CHODL: variants seen among roughly 807,000 people sequenced by gnomAD.
CHODL encodes chondrolectin.
Under a neutral mutation model 34.5 loss-of-function variants are expected in CHODL, and 29 were observed. The observed-to-expected ratio is 0.84, with a 90% CI of 0.63 to 1.15. The LOEUF (loss-of-function observed/expected upper bound fraction) is 1.15. CHODL is among the 50% of genes most tolerant of loss of function. The pLI is 0.00. For synonymous variants in CHODL, 125 were observed against 116.1 expected (o/e 1.08, Z -0.49); for missense variants, 332 against 332.5 (o/e 1.00, Z 0.01).
intron 2 of CHODL, among the ~76,000 whole-genome samples, chr21:18,217,490 G>GCCCC (rs59405917): frequency 2.0e-5 from 3 of 151,846 alleles, no homozygotes; most frequent in African/African-American, 7.3e-5. Context: ...GAGGGTAACT[G>GCCCC]CCCCCCCGAC....
intron 1 of CHODL, among the ~76,000 whole-genome samples, chr21:18,249,734 C>T (rs1449662682): frequency 6.6e-6 from 1 of 151,656 alleles, no homozygotes; most frequent in Non-Finnish European, 1.5e-5. Flanking sequence ...TTTCACAACC[C>T]AGCTTCAGCA....
At chr21:18,014,380 G>A (rs775229728) in intron 1 of CHODL, among the ~76,000 whole-genome samples, 11 of 152,186 alleles carry the variant, frequency 7.2e-5, no homozygotes, top group Non-Finnish European at 1.5e-4. Context: ...TGCAGGAACA[G>A]AAAATGAAAT....
intron 1 of CHODL, among the ~76,000 whole-genome samples, chr21:18,246,278 G>A (rs1347212701): frequency 6.6e-6 from 1 of 151,618 alleles, no homozygotes; most frequent in Non-Finnish European, 1.5e-5. Context: ...TGTTTTGAGG[G>A]TGAAAAGTTT....
At chr21:18,158,227 T>C (rs1260528377) in intron 2 of CHODL, among the ~76,000 whole-genome samples, 2 of 152,194 alleles carry the variant, frequency 1.3e-5, no homozygotes, top group Non-Finnish European at 2.9e-5. Flanking sequence ...ATAGGTTTTG[T>C]GCAGATCATT....
intron 2 of CHODL, among the ~76,000 whole-genome samples, chr21:18,221,337 T>C (rs561217552): frequency 5.3e-5 from 8 of 152,276 alleles, no homozygotes; most frequent in African/African-American, 1.9e-4. Context: ...TCTTGCTGAG[T>C]TTCTTTAACA....
At chr21:18,124,891 G>A (rs537888757) in intron 2 of CHODL, among the ~76,000 whole-genome samples, 14 of 152,258 alleles carry the variant, frequency 9.2e-5, no homozygotes, top group East Asian at 5.8e-4. Context: ...CAAACAAAGC[G>A]AAAATAAAAC....
chr21:18,160,392 TA>T (rs2073082318), intron 2 of CHODL, among the ~76,000 whole-genome samples: 1 of 152,130 alleles, frequency 6.6e-6, no homozygotes, highest in Non-Finnish European at 1.5e-5. Flanking sequence ...GTTACATAGG[TA>T]AACTTGTGTC....
chr21:17,925,392 T>G (rs2063214844), intron 1 of CHODL, among the ~76,000 whole-genome samples: 1 of 152,206 alleles, frequency 6.6e-6, no homozygotes, highest in African/African-American at 2.4e-5. Flanking sequence ...CTGGGCCAGT[T>G]TCCTGATAGC....
rs145612280 is a variant in CHODL at position 18,222,764 on chromosome 21, T to A, written c.-44-33745T>A. On this transcript the variant is annotated intron_variant, in intron 2 of 6. Coordinates refer to the CHODL transcript ENST00000400127. Reference sequence around the variant, plus strand: ...TCCCATAGAGGCTCTGTTTGACATTTAGTTATGTACTTGATGTTTAGGTCT... The same window carrying A: ...TCCCATAGAGGCTCTGTTTGACATTAAGTTATGTACTTGATGTTTAGGTCT... 4.4e-3 allele frequency among the ~76,000 whole-genome samples: 675 copies of A among 152,304 alleles called. 9 individuals are homozygous for A. Among genetic ancestry groups the A allele is most frequent in the African/African-American group, 0.015 (644 of 41,584 alleles).
At chr21:18,181,847 C>T (rs1043670219) in intron 2 of CHODL, among the ~76,000 whole-genome samples, 3 of 152,140 alleles carry the variant, frequency 2.0e-5, no homozygotes, top group African/African-American at 7.2e-5. Context: ...TTCCAAGGCT[C>T]CTCCATGTTG....
chr21:18,220,290 A>G (rs1296011855), intron 2 of CHODL, among the ~76,000 whole-genome samples: 1 of 152,154 alleles, frequency 6.6e-6, no homozygotes, highest in Non-Finnish European at 1.5e-5. Context: ...GCCAGTGTAC[A>G]TCTTCTAATT....
At chr21:17,982,822 C>G (rs1029694147) in intron 1 of CHODL, among the ~76,000 whole-genome samples, 2 of 148,570 alleles carry the variant, frequency 1.3e-5, no homozygotes, top group Admixed American at 6.9e-5. Flanking sequence ...ATTCTCCTGC[C>G]TCCTCAGCCT....
chr21:18,004,496 C>T (rs1471094928), intron 1 of CHODL, among the ~76,000 whole-genome samples: 4 of 152,192 alleles, frequency 2.6e-5, no homozygotes, highest in Non-Finnish European at 5.9e-5. Flanking sequence ...ACCTGAAATA[C>T]GTACCCGTGG....
chr21:18,116,251 G>T (rs1457823913), intron 2 of CHODL, among the ~76,000 whole-genome samples: 1 of 152,032 alleles, frequency 6.6e-6, no homozygotes, highest in Non-Finnish European at 1.5e-5. Flanking sequence ...GGCCCCTTCT[G>T]TTGGAAATTC....
At chr21:18,149,079 A>G (rs1312278722) in intron 2 of CHODL, among the ~76,000 whole-genome samples, 1 of 152,142 alleles carries the variant, frequency 6.6e-6, no homozygotes, top group African/African-American at 2.4e-5. Flanking sequence ...TCCTGTTTAA[A>G]TTCTTTCTGA....
At chr21:18,013,402 A>AT (rs11434252) in intron 1 of CHODL, among the ~76,000 whole-genome samples, 152,091 of 152,092 alleles carry the variant, frequency 1, 76,045 homozygotes, top group Middle Eastern at 1. Context: ...CAGTGCTGCC[A>AT]TTTGGTCATA....
intron 2 of CHODL, among the ~76,000 whole-genome samples, chr21:18,144,138 T>C (rs1317926149): frequency 6.6e-6 from 1 of 152,160 alleles, no homozygotes; most frequent in Admixed American, 6.5e-5. Flanking sequence ...CAAGGCTTGA[T>C]ATACATGTTT....
chr21:18,193,431 C>T (rs113078007), intron 2 of CHODL, among the ~76,000 whole-genome samples: 3,598 of 152,096 alleles, frequency 0.024, 89 homozygotes, highest in Non-Finnish European at 0.033. Context: ...TGCGGTGGCT[C>T]ACACCTGTAA....
chr21:18,219,575 T>A (rs2073863009), intron 2 of CHODL, among the ~76,000 whole-genome samples: 1 of 152,152 alleles, frequency 6.6e-6, no homozygotes, highest in African/African-American at 2.4e-5. Context: ...TTTCTCCACA[T>A]CCTCCCAAAC....
Sources: allele counts gnomAD v4.1 joint callset (sites outside exome capture counted in the v4.1 genomes callset), GRCh38; gene constraint gnomAD v4.1.1; transcripts MANE v1.5; gene names NCBI Gene and HGNC (gene_info 2026-07-23, HGNC 2026-07-21).